PRKD1: variants seen among roughly 807,000 people sequenced by gnomAD.
PRKD1 encodes the protein serine/threonine-protein kinase D1.
A neutral mutation model predicts 95.9 loss-of-function variants in PRKD1; 63 were observed. The ratio of observed to expected loss-of-function variants is 0.66; its 90% CI spans 0.54 to 0.81. The LOEUF is 0.81. PRKD1 is among the 30% of genes least tolerant of loss of function. The pLI, the probability that PRKD1 is intolerant of heterozygous loss-of-function variation, is 0.00. For missense variants in PRKD1, 1,048 were observed against 1,165.3 expected (o/e 0.90, Z 1.47); for synonymous variants, 425 against 423.1 (o/e 1.00, Z -0.05).
rs745568347 is a variant in PRKD1, at chr14:29,638,534, G to C, written c.940C>G (p.Pro314Ala). ...CRFNCHKRCA[P>A]KVPNNCLGEV... ...CCAAGGCAGTTGTTTGGTACTTTCG[G>C]TGCACAACGTTTATGGCAGTTGAAT... The change falls in exon 6 of 18, where the codon CCG becomes GCG. Residue 314 changes from proline to alanine, a missense_variant. Physicochemically the swap from Pro to Ala is conservative, Grantham distance 27. This residue lies in a region of PRKD1 where 739 missense variants were observed against 861.9 expected (regional missense o/e 0.86). Coordinates refer to ENST00000331968, the MANE Select transcript of PRKD1 (RefSeq NM_002742.3). The C allele has an allele frequency of 6.2e-7, 1 of 1,614,086 alleles. No homozygotes were observed.
chr14:29,764,084 T>A (rs1888151682), intron 1 of PRKD1, among the ~76,000 whole-genome samples: 1 of 152,090 alleles, frequency 6.6e-6, no homozygotes, highest in Non-Finnish European at 1.5e-5. Context: ...CAGAAGAGAA[T>A]CACCTGGGGA....
chr14:29,729,599 C>G (rs1886334681), intron 1 of PRKD1, among the ~76,000 whole-genome samples: 2 of 151,918 alleles, frequency 1.3e-5, no homozygotes, highest in African/African-American at 4.8e-5. Flanking sequence ...TGTAATGAAC[C>G]AGCAGTTGTT....
chr14:29,725,749 CAAATACAAGCT>C, intron 1 of PRKD1, 75 bp from the exon 2 acceptor site: 1 of 1,470,842 alleles, frequency 6.8e-7, no homozygotes, highest in Non-Finnish European at 9.3e-7. Context: ...TTTCAGGGCA[CAAATACAAGCT>C]AATTAGAAAA....
At chr14:29,640,901 C>A (rs1023252818) in intron 4 of PRKD1, among the ~76,000 whole-genome samples, 2 of 152,082 alleles carry the variant, frequency 1.3e-5, no homozygotes, top group Admixed American at 6.5e-5. Context: ...GCTAACAGAG[C>A]CAGTTTGACA....
At chr14:29,658,073 G>A (rs1293877167) in intron 4 of PRKD1, among the ~76,000 whole-genome samples, 1 of 152,158 alleles carries the variant, frequency 6.6e-6, no homozygotes, top group African/African-American at 2.4e-5. Context: ...AGCTCTTTGG[G>A]AGAGGAAATC....
At chr14:29,683,563 T>C (rs1367529854) in intron 2 of PRKD1, among the ~76,000 whole-genome samples, 1 of 152,188 alleles carries the variant, frequency 6.6e-6, no homozygotes, top group Non-Finnish European at 1.5e-5. Context: ...CCAAGTGAAG[T>C]TCTTCTGAGC....
At chr14:29,625,681 A>G (rs937774730) in intron 12 of PRKD1, among the ~76,000 whole-genome samples, 4 of 152,212 alleles carry the variant, frequency 2.6e-5, no homozygotes, top group Non-Finnish European at 4.4e-5. Flanking sequence ...TCACTGGAGC[A>G]TTTTATAAGA....
At chr14:29,777,686 G>A (rs1486193421) in intron 1 of PRKD1, among the ~76,000 whole-genome samples, 3 of 152,100 alleles carry the variant, frequency 2.0e-5, no homozygotes, top group East Asian at 1.9e-4. Context: ...CTCCCACACA[G>A]TAATAATGGG....
At chr14:29,585,799 C>T (rs941722466) in intron 16 of PRKD1, among the ~76,000 whole-genome samples, 2 of 152,176 alleles carry the variant, frequency 1.3e-5, no homozygotes, top group Non-Finnish European at 2.9e-5. Flanking sequence ...ATGGACTACA[C>T]ACTAAAATCC....
intron 1 of PRKD1, among the ~76,000 whole-genome samples, chr14:29,808,311 C>A (rs1321388665): frequency 7.0e-6 from 1 of 143,646 alleles, no homozygotes; most frequent in Non-Finnish European, 1.5e-5. Context: ...TAAGAAGCCA[C>A]TAGTCATCCA....
At chr14:29,696,802 G>A (rs1287982531) in intron 2 of PRKD1, among the ~76,000 whole-genome samples, 6 of 151,920 alleles carry the variant, frequency 3.9e-5, no homozygotes, top group Non-Finnish European at 8.8e-5. Context: ...TGCTAAATAT[G>A]TCTAGATAGT....
intron 1 of PRKD1, among the ~76,000 whole-genome samples, chr14:29,908,345 G>A (rs1894568167): frequency 6.6e-6 from 1 of 152,100 alleles, no homozygotes. Context: ...CGCCAGGGAT[G>A]GTGTGCAATG....
chr14:29,756,046 A>G (rs1191974381), intron 1 of PRKD1, among the ~76,000 whole-genome samples: 2 of 152,172 alleles, frequency 1.3e-5, no homozygotes, highest in Non-Finnish European at 2.9e-5. Context: ...AGGAAAAAAA[A>G]TCATGTTTAT....
At chr14:29,778,871 C>T (rs1245094616) in intron 1 of PRKD1, among the ~76,000 whole-genome samples, 3 of 152,088 alleles carry the variant, frequency 2.0e-5, no homozygotes, top group African/African-American at 7.2e-5. Context: ...TGATGATCAC[C>T]GATGCAAAAA....
intron 4 of PRKD1, among the ~76,000 whole-genome samples, chr14:29,653,736 A>G (rs1211616916): frequency 6.6e-6 from 1 of 152,206 alleles, no homozygotes; most frequent in African/African-American, 2.4e-5. Flanking sequence ...TCAATATGGG[A>G]AAAGACATAA....
chr14:29,880,370 T>A (rs1231766792), intron 1 of PRKD1, among the ~76,000 whole-genome samples: 1 of 152,170 alleles, frequency 6.6e-6, no homozygotes, highest in Non-Finnish European at 1.5e-5. Flanking sequence ...TACATGGTGT[T>A]GAGCCTGCTG....
At chr14:29,603,653 A>AT (rs1355537351) in intron 13 of PRKD1, among the ~76,000 whole-genome samples, 11 of 152,218 alleles carry the variant, frequency 7.2e-5, no homozygotes, top group Non-Finnish European at 2.9e-5. Context: ...AAAATATGAA[A>AT]TAGCCTTTAA....
chr14:29,701,183 A>T (rs1393076141), intron 2 of PRKD1, among the ~76,000 whole-genome samples: 1 of 152,126 alleles, frequency 6.6e-6, no homozygotes, highest in African/African-American at 2.4e-5. Flanking sequence ...TTTTATCTAA[A>T]ACTGAGGCTC....
chr14:29,755,955 T>C (rs915001803), intron 1 of PRKD1, among the ~76,000 whole-genome samples: 2 of 152,122 alleles, frequency 1.3e-5, no homozygotes, highest in Non-Finnish European at 1.5e-5. Context: ...TTACCTATTA[T>C]CACACACATT....
Sources: allele counts gnomAD v4.1 joint callset (sites outside exome capture counted in the v4.1 genomes callset), GRCh38; gene constraint gnomAD v4.1.1; regional missense constraint gnomAD v4.1.1; transcripts MANE v1.5; gene names NCBI Gene and HGNC (gene_info 2026-07-23, HGNC 2026-07-21).